Variants in PDS5A observed in about 807,000 individuals in gnomAD.
The protein encoded by PDS5A is PDS5 cohesin associated factor A.
In PDS5A, 42 loss-of-function variants were observed where a neutral mutation model predicts 167.1. That is an observed-to-expected ratio of 0.25 (90% CI 0.20 to 0.33). The LOEUF is 0.33. Among genes scored for constraint, PDS5A ranks in the 10% least tolerant of loss-of-function variants. PDS5A has a pLI of 1.00. For synonymous variants in PDS5A, 553 were observed against 554.6 expected (o/e 1.00, Z 0.04); for missense variants, 1,033 against 1,605.9 (o/e 0.64, Z 6.10).
In PDS5A at chr4:39,832,763, G is replaced by A. The variant is rs550135362; in HGVS notation, c.4010+5093C>T. ...CCAGCTACTTGGGAGGCTGAGGCAA[G>A]AGGATTGCTTGAGCCTCAGTGCTCT... On this transcript the variant is annotated intron_variant, in intron 32 of 32. Coordinates refer to ENST00000303538, the MANE Select transcript of PDS5A (RefSeq NM_001100399.2). 5.3e-5 allele frequency among the ~76,000 whole-genome samples: 8 copies of A among 152,220 alleles called. No homozygotes were observed. In the South Asian group the frequency reaches 1.7e-3, roughly 32 times the overall value.
At chr4:39,974,080 C>G (rs1468381042) in intron 2 of PDS5A, 3 of 525,160 alleles carry the variant, frequency 5.7e-6, no homozygotes, top group Non-Finnish European at 1.1e-5. Flanking sequence ...GAGCCGAGAT[C>G]GCACCCACTC....
chr4:39,923,615 G>A (rs1030923150), intron 5 of PDS5A, among the ~76,000 whole-genome samples: 40 of 115,908 alleles, frequency 3.5e-4, no homozygotes, highest in Admixed American at 2.9e-4. Flanking sequence ...CAGCCTGGGG[G>A]ACAGACCAAG....
intron 2 of PDS5A, among the ~76,000 whole-genome samples, chr4:39,975,444 G>A (rs1378674602): frequency 2.0e-5 from 3 of 152,158 alleles, no homozygotes; most frequent in East Asian, 3.8e-4. Flanking sequence ...TGGCCAAGTG[G>A]CCCAAGGTGG....
intron 5 of PDS5A, among the ~76,000 whole-genome samples, chr4:39,924,890 T>A (rs771889775): frequency 3.9e-5 from 6 of 152,138 alleles, no homozygotes; most frequent in African/African-American, 4.8e-5. Flanking sequence ...GGTGGGTGGA[T>A]CACTTGAGGT....
At chr4:39,943,995 G>A (rs2109772072) in intron 2 of PDS5A, among the ~76,000 whole-genome samples, 1 of 151,852 alleles carries the variant, frequency 6.6e-6, no homozygotes, top group African/African-American at 2.4e-5. Context: ...GGCTAACACA[G>A]TGAAACCCCA....
In PDS5A at chr4:39,898,538, TAA is replaced by T. The variant is rs771025643; in HGVS notation, c.1631-12_1631-11del. The T allele has an allele frequency of 1.9e-4, 289 of 1,490,916 alleles. No homozygotes were observed. In the East Asian group the frequency reaches 4.9e-3, roughly 25 times the overall value. The allele number at this position is 1,490,916 out of a possible 1,614,324, so 92.4% of individuals were successfully genotyped here. A position where few individuals can be genotyped will look rare whatever the true frequency, so the allele number is the denominator to read the frequency against. ...GGGTCAGGCAAATTCTCTATAAAAT[TAA>T]AAGAGAATCAATATTAGAGAAGGAA... is the stretch of plus-strand genomic sequence containing the variant. On this transcript the variant is annotated splice_polypyrimidine_tract_variant and intron_variant, in intron 15 of 32. Coordinates refer to ENST00000303538, the MANE Select transcript of PDS5A (RefSeq NM_001100399.2).
chr4:39,837,701 G>A (rs3765152), intron 32 of PDS5A, 155 bp downstream of exon 32: 134,037 of 550,386 alleles, frequency 0.24, 18,644 homozygotes, highest in Middle Eastern at 0.3. Flanking sequence ...GAAGTTATGA[G>A]ATAATAACAG....
intron 26 of PDS5A, among the ~76,000 whole-genome samples, chr4:39,859,189 A>G (rs1718778462): frequency 6.6e-6 from 1 of 152,334 alleles, no homozygotes; most frequent in African/African-American, 2.4e-5. Flanking sequence ...TTTGCTATAT[A>G]TATTTACCAC....
At chr4:39,965,030 C>T (rs1000056665) in intron 2 of PDS5A, among the ~76,000 whole-genome samples, 10 of 152,190 alleles carry the variant, frequency 6.6e-5, no homozygotes, top group Non-Finnish European at 1.0e-4. Flanking sequence ...CTGTGGTAGA[C>T]TAATCATGGC....
chr4:39,976,157 C>T lies in PDS5A; in HGVS notation c.138+283G>A, dbSNP rs1578864989. 1.3e-5 allele frequency: 3 copies of T among 226,180 alleles called. No homozygotes were observed. In the East Asian group the frequency reaches 2.6e-4, roughly 20 times the overall value. The allele number at this position is 226,180 out of a possible 1,614,324, so 14.0% of individuals were successfully genotyped here. A position where few individuals can be genotyped will look rare whatever the true frequency, so the allele number is the denominator to read the frequency against. On this transcript the variant is annotated intron_variant, in intron 2 of 32. Transcript: ENST00000303538. ...ACCTAAGTTTGCAAGCCACTCTGAA[C>T]AGTATTCTCATTAAATACCTCCAGA... is the stretch of plus-strand genomic sequence containing the variant.
At chr4:39,906,589 TA>T (rs146506103) in intron 11 of PDS5A, among the ~76,000 whole-genome samples, 1 of 144,100 alleles carries the variant, frequency 6.9e-6, no homozygotes, top group Non-Finnish European at 1.5e-5. Flanking sequence ...AAAATAATAG[TA>T]AAAAAAAATC....
chr4:39,919,418 G>A (rs575200652), intron 7 of PDS5A, among the ~76,000 whole-genome samples: 1 of 152,324 alleles, frequency 6.6e-6, no homozygotes, highest in African/African-American at 2.4e-5. Context: ...GGCTGAGGCA[G>A]GCAGATCACG....
intron 14 of PDS5A, among the ~76,000 whole-genome samples, chr4:39,899,197 TA>T (rs1267443609): frequency 6.6e-6 from 1 of 152,124 alleles, no homozygotes; most frequent in African/African-American, 2.4e-5. Context: ...AAAAATTAAC[TA>T]AAAATATAGA....
chr4:39,951,834 A>G (rs1461638361), intron 2 of PDS5A, among the ~76,000 whole-genome samples: 1 of 142,274 alleles, frequency 7.0e-6, no homozygotes, highest in Non-Finnish European at 1.5e-5. Context: ...CGGAAGGCAG[A>G]GGTTACAGTG....
At chr4:39,928,717 T>C (rs4974951) in intron 2 of PDS5A, among the ~76,000 whole-genome samples, 14,571 of 151,312 alleles carry the variant, frequency 0.096, 868 homozygotes, top group East Asian at 0.22. Flanking sequence ...CCCAGCTGCA[T>C]AGGAGGATGA....
At chr4:39,898,563 G>GA (rs533091119) in intron 15 of PDS5A, 35 bp from the exon 16 acceptor site, 125,072 of 879,826 alleles carry the variant, frequency 0.14, 3 homozygotes, top group East Asian at 0.18. Flanking sequence ...ATTAGAGAAG[G>GA]AAAAAAAAAA....
In PDS5A at chr4:39,824,286, G is replaced by A. The variant is rs917954223; in HGVS notation, c.*1199C>T. On this transcript the variant is annotated 3_prime_UTR_variant, in exon 33 of 33. Transcript: ENST00000303538. ...TTAACATGAAAAAATTCACAAGAAA[G>A]CATATGATAAAAAGATTAAAAAGAC... 1.3e-5 allele frequency: 2 copies of A among 152,082 alleles called. No homozygotes were observed. Among genetic ancestry groups the A allele is most frequent in the Non-Finnish European group, 2.9e-5 (2 of 68,020 alleles). 9.4% of individuals were successfully genotyped at this position (152,082 alleles called of 1,614,324 possible).
chr4:39,838,224 A>G lies in PDS5A; in HGVS notation c.3658-16T>C, dbSNP rs543197480. The G allele has an allele frequency of 1.4e-6, 2 of 1,461,542 alleles. No individual in the cohort carries two copies. The highest frequency in any genetic ancestry group is 2.8e-5 in the African/African-American group (2 of 70,860). 90.5% of individuals were successfully genotyped at this position (1,461,542 alleles called of 1,614,324 possible). On this transcript the variant is annotated splice_polypyrimidine_tract_variant and intron_variant, in intron 31 of 32. Coordinates refer to ENST00000303538, the MANE Select transcript of PDS5A (RefSeq NM_001100399.2). ...AATTAATTTCCTAAAAAAGCACAAA[A>G]CAATTCTATAAACACAAATTCCTTA... is the stretch of plus-strand genomic sequence containing the variant.
intron 27 of PDS5A, 102 bp downstream of exon 27, chr4:39,849,418 T>C: frequency 1.3e-6 from 1 of 752,094 alleles, no homozygotes; most frequent in Non-Finnish European, 2.2e-6. Flanking sequence ...CATTCTAAAA[T>C]TTAAATTACT....
Sources: allele counts gnomAD v4.1 joint callset (sites outside exome capture counted in the v4.1 genomes callset), GRCh38; gene constraint gnomAD v4.1.1; transcripts MANE v1.5; gene names NCBI Gene and HGNC (gene_info 2026-07-23, HGNC 2026-07-21).